The following C3orf33 variants were observed in gnomAD, a reference collection of about 807,000 sequenced individuals.
The protein encoded by C3orf33 is AP-1 activity suppressor.
C3orf33 carries 23 observed loss-of-function variants against 28.7 expected under a neutral mutation model. The observed-to-expected ratio is 0.80, with a 90% CI of 0.58 to 1.13. The LOEUF (loss-of-function observed/expected upper bound fraction) is 1.13. Ranked by LOEUF, C3orf33 falls within the 50% of genes most tolerant of loss-of-function variation. The pLI, the probability that C3orf33 is intolerant of heterozygous loss-of-function variation, is 0.00. For missense variants in C3orf33, 327 were observed against 353.4 expected (o/e 0.93, Z 0.60); for synonymous variants, 119 against 120.5 (o/e 0.99, Z 0.08).
intron 1 of C3orf33, among the ~76,000 whole-genome samples, chr3:155,803,746 G>T (rs1161074169): frequency 6.7e-6 from 1 of 148,158 alleles, no homozygotes; most frequent in African/African-American, 2.5e-5. Flanking sequence ...GCTGGACGTG[G>T]TAGCACACAT....
At chr3:155,789,810 C>T (rs1226811224) in intron 2 of C3orf33, among the ~76,000 whole-genome samples, 1 of 152,044 alleles carries the variant, frequency 6.6e-6, no homozygotes, top group African/African-American at 2.4e-5. Context: ...AATAAATGCT[C>T]ACATATACAA....
At chr3:155,795,185 G>T (rs1751439786) in intron 2 of C3orf33, among the ~76,000 whole-genome samples, 1 of 152,230 alleles carries the variant, frequency 6.6e-6, no homozygotes, top group African/African-American at 2.4e-5. Flanking sequence ...GCCGTGTGCG[G>T]TGGCTCACAC....
intron 4 of C3orf33, among the ~76,000 whole-genome samples, chr3:155,766,910 G>A (rs947246288): frequency 3.3e-5 from 5 of 151,856 alleles, no homozygotes; most frequent in Admixed American, 6.6e-5. Flanking sequence ...AGATCATGCC[G>A]CTGCACTCCA....
intron 2 of C3orf33, among the ~76,000 whole-genome samples, chr3:155,787,973 T>C (rs1363565614): frequency 3.4e-4 from 51 of 150,410 alleles, no homozygotes; most frequent in Admixed American, 1.6e-3. Flanking sequence ...GGGCGGATCA[T>C]GAGGTCAGCA....
At chr3:155,768,983 C>G (rs1461138884) in intron 3 of C3orf33, among the ~76,000 whole-genome samples, 1 of 152,106 alleles carries the variant, frequency 6.6e-6, no homozygotes, top group Non-Finnish European at 1.5e-5. Context: ...CAAGATCAGT[C>G]TGGCCAACAT....
At chr3:155,801,413 T>C (rs1278926642) in intron 2 of C3orf33, among the ~76,000 whole-genome samples, 2 of 152,138 alleles carry the variant, frequency 1.3e-5, no homozygotes, top group Non-Finnish European at 2.9e-5. Flanking sequence ...CAAAGAGATA[T>C]TTGTATATGC....
At chr3:155,791,067 T>G (rs1751300708) in intron 2 of C3orf33, among the ~76,000 whole-genome samples, 1 of 152,152 alleles carries the variant, frequency 6.6e-6, no homozygotes, top group African/African-American at 2.4e-5. Context: ...GATTCCTTCC[T>G]TCTACCTGAG....
chr3:155,803,808 G>A (rs929717150), intron 1 of C3orf33, among the ~76,000 whole-genome samples: 3 of 151,910 alleles, frequency 2.0e-5, no homozygotes, highest in Non-Finnish European at 4.4e-5. Context: ...CTAGAACCCA[G>A]GAGGTGGAGG....
At chr3:155,792,605 A>T (rs1047007539) in intron 2 of C3orf33, among the ~76,000 whole-genome samples, 4 of 152,206 alleles carry the variant, frequency 2.6e-5, no homozygotes, top group Non-Finnish European at 5.9e-5. Flanking sequence ...GAAAGAACTC[A>T]GAATCCTACC....
intron 1 of C3orf33, chr3:155,805,840 C>T: frequency 2.0e-6 from 1 of 505,942 alleles, no homozygotes. Flanking sequence ...CTCTAATGGA[C>T]CAGGTGGCAT....
intron 2 of C3orf33, among the ~76,000 whole-genome samples, chr3:155,801,551 A>G (rs427139): frequency 0.088 from 13,454 of 152,128 alleles, 1,136 homozygotes; most frequent in East Asian, 0.37. Context: ...TAAAAAGGAC[A>G]AAAATTATGA....
chr3:155,777,884 G>C (rs1309772685), intron 2 of C3orf33, among the ~76,000 whole-genome samples: 1 of 152,136 alleles, frequency 6.6e-6, no homozygotes, highest in Non-Finnish European at 1.5e-5. Flanking sequence ...AGATGCGATG[G>C]TTCATACCTG....
chr3:155,770,372 G>A (rs1024910986), intron 3 of C3orf33, among the ~76,000 whole-genome samples: 4 of 152,200 alleles, frequency 2.6e-5, no homozygotes, highest in Non-Finnish European at 5.9e-5. Flanking sequence ...CCAGGCAGGG[G>A]CATCACCAGC....
chr3:155,782,369 A>C (rs1467338337), intron 2 of C3orf33, among the ~76,000 whole-genome samples: 3 of 152,032 alleles, frequency 2.0e-5, no homozygotes, highest in Non-Finnish European at 4.4e-5. Flanking sequence ...AAACTTCCCA[A>C]GTTTGATGAA....
intron 3 of C3orf33, among the ~76,000 whole-genome samples, chr3:155,772,145 C>CAATGAACCA (rs1305743946): frequency 6.6e-6 from 1 of 152,112 alleles, no homozygotes; most frequent in African/African-American, 2.4e-5. Flanking sequence ...GAGGAGGCTG[C>CAATGAACCA]AATGAACCAT....
intron 4 of C3orf33, among the ~76,000 whole-genome samples, chr3:155,764,688 TA>T (rs565230610): frequency 8.9e-5 from 13 of 145,966 alleles, no homozygotes; most frequent in South Asian, 2.2e-4. Context: ...CCACCTCTGC[TA>T]AAAAAAAAAC....
chr3:155,795,863 G>A (rs1751461478), intron 2 of C3orf33, among the ~76,000 whole-genome samples: 1 of 151,994 alleles, frequency 6.6e-6, no homozygotes, highest in Non-Finnish European at 1.5e-5. Context: ...GGCTGAGGCA[G>A]AAGAATTGCT....
chr3:155,789,456 A>G (rs1025836119), intron 2 of C3orf33, among the ~76,000 whole-genome samples: 13 of 152,318 alleles, frequency 8.5e-5, no homozygotes, highest in African/African-American at 3.1e-4. Context: ...AAACATTGCT[A>G]AAAGAAATTA....
intron 2 of C3orf33, among the ~76,000 whole-genome samples, chr3:155,782,166 T>TAA (rs58890324): frequency 0.025 from 2,383 of 96,202 alleles, 49 homozygotes; most frequent in African/African-American, 0.068. Flanking sequence ...AGACTCCGTC[T>TAA]AAAAAAAAAA....
Sources: gnomAD v4.1 joint callset for allele counts (sites outside exome capture counted in the v4.1 genomes callset) on GRCh38, gnomAD v4.1.1 for gene constraint, MANE v1.5 for transcripts, NCBI Gene and HGNC (gene_info 2026-07-23, HGNC 2026-07-21) for gene names.